Variants in NGF observed in about 807,000 individuals in gnomAD.
The protein encoded by NGF is nerve growth factor, also known as beta-nerve growth factor.
Under a neutral mutation model 12.8 loss-of-function variants are expected in NGF, and 4 were observed. The observed-to-expected ratio is 0.31, with a 90% CI of 0.15 to 0.72. The LOEUF is 0.72. Ranked by LOEUF, NGF falls within the 30% of genes least tolerant of loss-of-function variation. The probability of loss-of-function intolerance (pLI) is 0.69; values close to 1 mark genes in which losing one functional copy is unlikely to be tolerated. For synonymous variants in NGF, 140 were observed against 130.0 expected (o/e 1.08, Z -0.52); for missense variants, 283 against 330.8 (o/e 0.86, Z 1.12).
chr1:115,322,143 G>A (rs1255959193), intron 1 of NGF, among the ~76,000 whole-genome samples: 1 of 152,170 alleles, frequency 6.6e-6, no homozygotes, highest in Admixed American at 6.5e-5. Context: ...CAAGTCCAAG[G>A]ACACTAGAGA....
chr1:115,301,850 A>T (rs1467903742), intron 1 of NGF, among the ~76,000 whole-genome samples: 1 of 152,350 alleles, frequency 6.6e-6, no homozygotes, highest in East Asian at 1.9e-4. Flanking sequence ...TATCACGAAA[A>T]CTTGCCAGGC....
intron 1 of NGF, among the ~76,000 whole-genome samples, chr1:115,310,931 G>A (rs1021608692): frequency 6.6e-5 from 10 of 152,090 alleles, no homozygotes; most frequent in African/African-American, 2.4e-4. Flanking sequence ...GGGGACCACA[G>A]ATATTTAATA....
chr1:115,329,211 T>C (rs1294499530), intron 1 of NGF, among the ~76,000 whole-genome samples: 1 of 152,022 alleles, frequency 6.6e-6, no homozygotes, highest in Non-Finnish European at 1.5e-5. Context: ...TTACTGAGGG[T>C]GTCCTTGGTG....
At chr1:115,331,084 T>C (rs759036571) in intron 1 of NGF, among the ~76,000 whole-genome samples, 4 of 151,666 alleles carry the variant, frequency 2.6e-5, no homozygotes, top group Non-Finnish European at 5.9e-5. Flanking sequence ...TTGTCTGCAA[T>C]GTCAATGAGG....
chr1:115,327,611 G>A (rs1053146269), intron 1 of NGF, among the ~76,000 whole-genome samples: 1 of 152,202 alleles, frequency 6.6e-6, no homozygotes, highest in Non-Finnish European at 1.5e-5. Context: ...CATTTCAGGG[G>A]CAATTGATTC....
chr1:115,331,751 ATATTCTC>A (rs1461216787), intron 1 of NGF, among the ~76,000 whole-genome samples: 1 of 152,188 alleles, frequency 6.6e-6, no homozygotes, highest in Non-Finnish European at 1.5e-5. Context: ...CAGCTCATTT[ATATTCTC>A]TCATGAGCCA....
At chr1:115,297,991 G>C (rs1433929030) in intron 1 of NGF, among the ~76,000 whole-genome samples, 1 of 152,186 alleles carries the variant, frequency 6.6e-6, no homozygotes, top group African/African-American at 2.4e-5. Context: ...AATTGTTTTT[G>C]ATAAGCTAGT....
chr1:115,305,877 C>G (rs1233188530), intron 1 of NGF, among the ~76,000 whole-genome samples: 1 of 152,186 alleles, frequency 6.6e-6, no homozygotes, highest in Admixed American at 6.5e-5. Flanking sequence ...GCAGGCAAGA[C>G]AGAAACTATT....
At chr1:115,321,207 C>T (rs1327140654) in intron 1 of NGF, among the ~76,000 whole-genome samples, 1 of 152,162 alleles carries the variant, frequency 6.6e-6, no homozygotes, top group Non-Finnish European at 1.5e-5. Flanking sequence ...CTGTAAGCCC[C>T]GTCAGGAGGG....
At chr1:115,294,426 A>G (rs1653801940) in intron 1 of NGF, among the ~76,000 whole-genome samples, 1 of 152,254 alleles carries the variant, frequency 6.6e-6, no homozygotes, top group African/African-American at 2.4e-5. Flanking sequence ...AATGTAATCT[A>G]TGTAGGCACA....
chr1:115,312,697 A>G (rs1654366533), intron 1 of NGF, among the ~76,000 whole-genome samples: 1 of 152,160 alleles, frequency 6.6e-6, no homozygotes, highest in Admixed American at 6.5e-5. Flanking sequence ...CAAAATGTCT[A>G]CTTAATAGGT....
At chr1:115,305,499 G>A (rs183668521) in intron 1 of NGF, among the ~76,000 whole-genome samples, 139 of 152,340 alleles carry the variant, frequency 9.1e-4, no homozygotes, top group Non-Finnish European at 9.7e-4. Context: ...CCGCTTCCAT[G>A]ATATGGATAA....
At position 115,286,726 on chromosome 1, in the gene NGF, T is replaced by C; in HGVS notation, c.70A>G (p.Ser24Gly). 2 of 1,614,190 alleles carry C rather than the reference T, an allele frequency of 1.2e-6. No individual in the cohort carries two copies. Among genetic ancestry groups the C allele is most frequent in the Non-Finnish European group, 1.7e-6 (2 of 1,180,038 alleles). The change falls in exon 3 of 3, where the codon AGC (serine) becomes GGC (glycine). Residue 24 changes from serine (S) to glycine (G), a missense_variant. Physicochemically the swap from Ser to Gly is moderately conservative, Grantham distance 56 (BLOSUM62 0). Around this residue, in one of 2 missense-constraint regions of NGF, gnomAD observed 151 missense variants for 141.6 expected, o/e 1.07. Transcript: ENST00000369512. ...IGIQAEPHSE[S>G]NVPAGHTIPQ... is the part of the protein sequence containing the mutation. ...ATGGTGTGTCCTGCAGGGACATTGC[T>C]CTCTGAGTGTGGTTCCGCCTGTATG...
At chr1:115,301,947 C>T (rs935726169) in intron 1 of NGF, among the ~76,000 whole-genome samples, 3 of 152,256 alleles carry the variant, frequency 2.0e-5, no homozygotes, top group Admixed American at 6.5e-5. Context: ...TGGATGGTAT[C>T]CTCATGATCA....
In NGF at chr1:115,326,610, T is replaced by G. The variant is rs150274487; in HGVS notation, c.-137+11594A>C. Among the ~76,000 whole-genome samples, 36 of 152,312 alleles carry G rather than the reference T, an allele frequency of 2.4e-4. No individual in the cohort carries two copies. In the East Asian group the frequency reaches 6.9e-3, roughly 29 times the overall value. ...GCCTCACAAGGTTCCGCTCAATGCCTGGCACAGACCTCCATTCTGACCATG... is the reference window on the plus strand; with the variant it reads ...GCCTCACAAGGTTCCGCTCAATGCCGGGCACAGACCTCCATTCTGACCATG... On this transcript the variant is annotated intron_variant, in intron 1 of 2. Transcript: ENST00000369512.
chr1:115,336,928 C>G (rs1655124127), intron 1 of NGF, among the ~76,000 whole-genome samples: 1 of 152,168 alleles, frequency 6.6e-6, no homozygotes, highest in African/African-American at 2.4e-5. Context: ...GGAGCCAGAA[C>G]AATTAATCAA....
chr1:115,330,317 A>G (rs527609715), intron 1 of NGF, among the ~76,000 whole-genome samples: 21 of 152,358 alleles, frequency 1.4e-4, no homozygotes, highest in Middle Eastern at 3.4e-3. Flanking sequence ...CATCTCAGGC[A>G]CTGACTGCTA....
chr1:115,298,279 C>G (rs1653932118), intron 1 of NGF, among the ~76,000 whole-genome samples: 1 of 152,152 alleles, frequency 6.6e-6, no homozygotes, highest in South Asian at 2.1e-4. Context: ...CCAAGCACAT[C>G]AAATCATCTC....
chr1:115,334,822 A>G (rs1356566472), intron 1 of NGF, among the ~76,000 whole-genome samples: 1 of 152,192 alleles, frequency 6.6e-6, no homozygotes, highest in Non-Finnish European at 1.5e-5. Flanking sequence ...AATTGTCCCA[A>G]AATGCTGACA....
Sources: gnomAD v4.1 joint callset for allele counts (sites outside exome capture counted in the v4.1 genomes callset) on GRCh38, gnomAD v4.1.1 for gene constraint, gnomAD v4.1.1 regional missense constraint, MANE v1.5 for transcripts, NCBI Gene and HGNC (gene_info 2026-07-23, HGNC 2026-07-21) for gene names.